The following KLRG1 variants were observed in gnomAD, a reference collection of about 807,000 sequenced individuals.
KLRG1 encodes killer cell lectin like receptor G1, also known as killer cell lectin-like receptor subfamily G member 1.
Under a neutral mutation model 21.8 loss-of-function variants are expected in KLRG1, and 16 were observed. That is an observed-to-expected ratio of 0.73 (90% confidence interval 0.50 to 1.11). KLRG1 has a LOEUF of 1.11. Ranked by LOEUF, KLRG1 falls within the 50% of genes most tolerant of loss-of-function variation. The pLI is 0.00. For missense variants in KLRG1, 173 were observed against 218.3 expected (o/e 0.79, Z 1.31); for synonymous variants, 69 against 75.9 (o/e 0.91, Z 0.47).
downstream of KLRG1, among the ~76,000 whole-genome samples, chr12:9,013,884 A>G (rs750040851): frequency 6.6e-6 from 1 of 152,324 alleles, no homozygotes; most frequent in South Asian, 2.1e-4. Flanking sequence ...ATCCTATCAG[A>G]AAAACTTAAC....
the KLRG1 span, chr12:9,104,129 T>G: frequency 3.5e-6 from 4 of 1,131,484 alleles, no homozygotes; most frequent in Non-Finnish European, 4.9e-6. Context: ...TAATTGCTAG[T>G]TTTTTTCTCT....
chr12:9,080,094 C>T, the KLRG1 span: 2 of 1,579,714 alleles, frequency 1.3e-6, no homozygotes, highest in Non-Finnish European at 8.6e-7. Context: ...GGAGACTCAC[C>T]CAAAACTGAG....
At chr12:8,979,337 A>T (rs1272846958) in intron 1 of KLRG1, among the ~76,000 whole-genome samples, 2 of 152,140 alleles carry the variant, frequency 1.3e-5, no homozygotes, top group South Asian at 4.1e-4. Context: ...TTTTTAAAAG[A>T]TAATTTTTCC....
chr12:9,062,814 G>T, the KLRG1 span, among the ~76,000 whole-genome samples: 1 of 149,240 alleles, frequency 6.7e-6, no homozygotes, highest in Non-Finnish European at 1.5e-5. Flanking sequence ...TGTGTTAGGT[G>T]ATTTTTTATA....
the KLRG1 span, chr12:9,067,000 A>G: frequency 1.3e-5 from 2 of 152,238 alleles, no homozygotes; most frequent in African/African-American, 2.4e-5. Context: ...AGAAAATTAT[A>G]TATTTTAAAA....
chr12:8,995,569 G>C (rs1380154033), intron 3 of KLRG1, among the ~76,000 whole-genome samples: 1 of 152,142 alleles, frequency 6.6e-6, no homozygotes, highest in African/African-American at 2.4e-5. Flanking sequence ...TGTATGTGGG[G>C]CAAGGAGGCA....
the KLRG1 span, among the ~76,000 whole-genome samples, chr12:9,161,876 A>G: frequency 6.6e-6 from 1 of 152,144 alleles, no homozygotes. Flanking sequence ...GAAATGCTAT[A>G]TGTTTTGTCA....
At chr12:8,954,662 GCTACTTGTGTGTCACTGCTTC>G (rs1160789061) in intron 1 of KLRG1, among the ~76,000 whole-genome samples, 1 of 152,074 alleles carries the variant, frequency 6.6e-6, no homozygotes, top group Non-Finnish European at 1.5e-5. Context: ...TGTGTTTGTT[GCTACTTGTGTGTCACTGCTTC>G]AGTGTCAGCA....
At chr12:9,167,665 T>C in the KLRG1 span, 9 of 152,348 alleles carry the variant, frequency 5.9e-5, no homozygotes, top group African/African-American at 2.2e-4. Context: ...TTTTATTTCC[T>C]CATATACCTG....
At chr12:9,080,198 G>C in the KLRG1 span, 1 of 1,490,424 alleles carries the variant, frequency 6.7e-7, no homozygotes, top group South Asian at 1.2e-5. Context: ...AAGCAAATCA[G>C]ACATATGAAA....
the KLRG1 span, chr12:9,098,834 C>A: frequency 6.6e-7 from 1 of 1,507,696 alleles, no homozygotes; most frequent in Non-Finnish European, 9.0e-7. Flanking sequence ...GCAGAGTGTT[C>A]CTCATGTACA....
At chr12:9,153,421 C>A in the KLRG1 span, 1 of 1,250,718 alleles carries the variant, frequency 8.0e-7, no homozygotes, top group Non-Finnish European at 1.1e-6. Context: ...TCTGTGTTAG[C>A]CTACCATGAG....
the KLRG1 span, chr12:9,072,482 G>T: frequency 4.3e-6 from 7 of 1,611,314 alleles, no homozygotes; most frequent in Non-Finnish European, 5.9e-6. Context: ...GTATTTCAAG[G>T]ATGTCTATAG....
chr12:9,192,907 A>C, the KLRG1 span, among the ~76,000 whole-genome samples: 1 of 152,200 alleles, frequency 6.6e-6, no homozygotes, highest in African/African-American at 2.4e-5. Context: ...CCAACATTCA[A>C]ATATTAAAAG....
At chr12:9,015,126 A>G (rs768106540), downstream of KLRG1, among the ~76,000 whole-genome samples, 1 of 152,312 alleles carries the variant, frequency 6.6e-6, no homozygotes, top group East Asian at 1.9e-4. Flanking sequence ...AAACAGCAAG[A>G]AGACATATAA....
At chr12:9,030,249 C>T in the KLRG1 span, among the ~76,000 whole-genome samples, 4 of 151,976 alleles carry the variant, frequency 2.6e-5, no homozygotes, top group African/African-American at 4.8e-5. Flanking sequence ...GCAGGTGGCA[C>T]GTGCCTCAAA....
the KLRG1 span, among the ~76,000 whole-genome samples, chr12:9,129,064 T>C: frequency 1.3e-5 from 2 of 152,216 alleles, no homozygotes; most frequent in Admixed American, 6.5e-5. Flanking sequence ...TCTCTCTTTC[T>C]CTTTTTCTCT....
chr12:9,152,132 T>C, the KLRG1 span: 3 of 996,078 alleles, frequency 3.0e-6, no homozygotes, highest in East Asian at 2.4e-5. Flanking sequence ...AGGATGATGT[T>C]GACATGGTTT....
chr12:8,997,522 C>G (rs1457011520), intron 3 of KLRG1, among the ~76,000 whole-genome samples: 1 of 152,166 alleles, frequency 6.6e-6, no homozygotes, highest in Non-Finnish European at 1.5e-5. Context: ...AAAAAGAGAG[C>G]TCTATGGATC....
Sources: allele counts gnomAD v4.1 joint callset (sites outside exome capture counted in the v4.1 genomes callset), GRCh38; gene constraint gnomAD v4.1.1; transcripts MANE v1.5; gene names NCBI Gene and HGNC (gene_info 2026-07-23, HGNC 2026-07-21).